The following LRRTM4 variants were observed in gnomAD, a reference collection of about 807,000 sequenced individuals.
The protein encoded by LRRTM4 is leucine rich repeat transmembrane neuronal 4, also known as leucine-rich repeat transmembrane neuronal protein 4.
LRRTM4 carries 25 observed loss-of-function variants against 47.6 expected under a neutral mutation model. The ratio of observed to expected loss-of-function variants is 0.53; its 90% CI spans 0.38 to 0.73. The LOEUF is 0.73. LRRTM4 is among the 30% of genes least tolerant of loss of function. The pLI is 0.00. For missense variants in LRRTM4, 638 were observed against 713.4 expected, an observed-to-expected ratio of 0.89 and a Z score of 1.20; for synonymous variants, 311 against 269.5, an observed-to-expected ratio of 1.15 and a Z score of -1.51.
rs568636115 is a variant in LRRTM4 at position 77,016,008 on chromosome 2, G to A, written c.1552-267092C>T. On this transcript the variant is annotated intron_variant, in intron 3 of 3. Coordinates refer to ENST00000409884, the MANE Select transcript of LRRTM4 (RefSeq NM_001134745.3). ...GAGGCAAGAGAATCGCTTGAACTGG[G>A]AAGCAGAGGTTGCAGTGAGCCGAGA... 4.7e-4 allele frequency among the ~76,000 whole-genome samples: 72 copies of A among 152,150 alleles called. 1 individual carries two copies. The highest frequency in any genetic ancestry group is 3.4e-3 in the Middle Eastern group (1 of 294).
intron 3 of LRRTM4, among the ~76,000 whole-genome samples, chr2:76,993,318 TA>T (rs1042714608): frequency 1.2e-4 from 18 of 151,358 alleles, no homozygotes; most frequent in African/African-American, 4.3e-4. Context: ...AAGCTATCAG[TA>T]AACAATCAAC....
At position 77,081,505 on chromosome 2, in the gene LRRTM4, T is replaced by C. The variant is rs143745608; in HGVS notation, c.1552-332589A>G. ...TTTAAATAAATGTGTAAGAAATTAATACATATATATGTGCACATAGAGGTA... is the reference window on the plus strand; with the variant it reads ...TTTAAATAAATGTGTAAGAAATTAACACATATATATGTGCACATAGAGGTA... On this transcript the variant is annotated intron_variant, in intron 3 of 3. Transcript: ENST00000409884. Among the ~76,000 whole-genome samples the C allele has an allele frequency of 4.6e-3, 694 of 152,134 alleles. 5 individuals carry two copies. Among genetic ancestry groups the C allele is most frequent in the African/African-American group, 0.016 (661 of 41,514 alleles).
At chr2:77,503,089 T>C (rs963203352) in intron 3 of LRRTM4, among the ~76,000 whole-genome samples, 1 of 150,990 alleles carries the variant, frequency 6.6e-6, no homozygotes, top group African/African-American at 2.4e-5. Context: ...CTATCAACAA[T>C]AGGACTCCAC....
intron 3 of LRRTM4, among the ~76,000 whole-genome samples, chr2:77,043,713 C>G (rs187031092): frequency 6.6e-6 from 1 of 151,636 alleles, no homozygotes; most frequent in African/African-American, 2.4e-5. Context: ...GATGATGAAT[C>G]GGGACTAGTC....
At chr2:77,068,199 C>T (rs148963491) in intron 3 of LRRTM4, among the ~76,000 whole-genome samples, 12 of 152,044 alleles carry the variant, frequency 7.9e-5, no homozygotes, top group African/African-American at 1.9e-4. Context: ...TACTACTTTC[C>T]GCTTCCTAAA....
At chr2:77,432,946 T>C (rs1485579863) in intron 3 of LRRTM4, among the ~76,000 whole-genome samples, 1 of 152,236 alleles carries the variant, frequency 6.6e-6, no homozygotes, top group Middle Eastern at 3.2e-3. Flanking sequence ...TTCTCCAAAC[T>C]GTCTCTTTGT....
intron 3 of LRRTM4, among the ~76,000 whole-genome samples, chr2:77,236,331 A>G (rs1675101634): frequency 6.6e-6 from 1 of 152,032 alleles, no homozygotes; most frequent in South Asian, 2.1e-4. Context: ...TTATTAGTGT[A>G]TGGGAATGCC....
intron 3 of LRRTM4, among the ~76,000 whole-genome samples, chr2:76,779,820 A>G (rs577785036): frequency 2.6e-5 from 4 of 151,928 alleles, no homozygotes; most frequent in Non-Finnish European, 4.4e-5. Context: ...TTAGCTGGTT[A>G]TTTTGCTCGT....
intron 3 of LRRTM4, chr2:77,517,350 C>T: frequency 2.0e-6 from 2 of 983,050 alleles, no homozygotes; most frequent in Non-Finnish European, 2.4e-6. Flanking sequence ...AAACCTCTCT[C>T]CTTTTATTTA....
At chr2:76,954,267 G>T (rs1028323870) in intron 3 of LRRTM4, among the ~76,000 whole-genome samples, 1 of 151,632 alleles carries the variant, frequency 6.6e-6, no homozygotes, top group Non-Finnish European at 1.5e-5. Context: ...ACATAACAAA[G>T]AATTCAAAAT....
chr2:77,107,507 G>T (rs1024574574), intron 3 of LRRTM4, among the ~76,000 whole-genome samples: 2 of 152,040 alleles, frequency 1.3e-5, no homozygotes, highest in African/African-American at 4.8e-5. Context: ...TGACCACATT[G>T]AACATATAGC....
intron 3 of LRRTM4, among the ~76,000 whole-genome samples, chr2:77,492,655 AC>A (rs1312953221): frequency 6.6e-6 from 1 of 152,108 alleles, no homozygotes; most frequent in Non-Finnish European, 1.5e-5. Flanking sequence ...ATATATAAAA[AC>A]CTATTCATAC....
intron 3 of LRRTM4, among the ~76,000 whole-genome samples, chr2:76,835,676 G>T (rs1182276233): frequency 6.6e-6 from 1 of 151,954 alleles, no homozygotes; most frequent in Admixed American, 6.6e-5. Flanking sequence ...AATGTGTTTG[G>T]TAACTTGACT....
chr2:76,798,372 G>C (rs1309478681), intron 3 of LRRTM4, among the ~76,000 whole-genome samples: 1 of 151,706 alleles, frequency 6.6e-6, no homozygotes, highest in Non-Finnish European at 1.5e-5. Flanking sequence ...ACGAAATGAA[G>C]GCACAAATAA....
At chr2:77,085,741 T>C (rs965568709) in intron 3 of LRRTM4, among the ~76,000 whole-genome samples, 1 of 152,222 alleles carries the variant, frequency 6.6e-6, no homozygotes, top group South Asian at 2.1e-4. Context: ...ATGTCTCTTT[T>C]CAGTATTGTG....
intron 3 of LRRTM4, among the ~76,000 whole-genome samples, chr2:76,876,273 C>T (rs1573243414): frequency 6.6e-6 from 1 of 152,040 alleles, no homozygotes; most frequent in Non-Finnish European, 1.5e-5. Context: ...TTAAAAGATA[C>T]TCATAATAGG....
chr2:77,324,161 T>C (rs972780435), intron 3 of LRRTM4, among the ~76,000 whole-genome samples: 2 of 152,248 alleles, frequency 1.3e-5, no homozygotes, highest in African/African-American at 4.8e-5. Flanking sequence ...ATATTTCTGG[T>C]GTTCTCTCCC....
intron 3 of LRRTM4, among the ~76,000 whole-genome samples, chr2:77,170,774 A>T (rs1673025033): frequency 1.0e-5 from 1 of 100,270 alleles, no homozygotes; most frequent in African/African-American, 3.5e-5. Flanking sequence ...TGATCATAGG[A>T]ATTTCTTTCT....
At chr2:77,081,342 A>T (rs1326096355) in intron 3 of LRRTM4, among the ~76,000 whole-genome samples, 2 of 151,928 alleles carry the variant, frequency 1.3e-5, no homozygotes, top group Non-Finnish European at 2.9e-5. Flanking sequence ...AGTACATTTT[A>T]AAATATATTT....
Sources: gnomAD v4.1 joint callset for allele counts (sites outside exome capture counted in the v4.1 genomes callset) on GRCh38, gnomAD v4.1.1 for gene constraint, MANE v1.5 for transcripts, NCBI Gene and HGNC (gene_info 2026-07-23, HGNC 2026-07-21) for gene names.